The following PALM2AKAP2 variants were observed in gnomAD, a reference collection of about 807,000 sequenced individuals.
The protein encoded by PALM2AKAP2 is PALM2 and AKAP2 fusion.
PALM2AKAP2 carries 37 observed loss-of-function variants against 71.5 expected under a neutral mutation model. That is an observed-to-expected ratio of 0.52 (90% CI 0.40 to 0.68). The LOEUF is 0.68. Ranked by LOEUF, PALM2AKAP2 falls within the 30% of genes least tolerant of loss-of-function variation. The pLI is 0.00. For missense variants in PALM2AKAP2, 1,224 were observed against 1,191.8 expected (o/e 1.03, Z -0.40); for synonymous variants, 468 against 478.8 (o/e 0.98, Z 0.29).
At chr9:110,158,572 A>C (rs1228181326) in intron 3 of PALM2AKAP2, among the ~76,000 whole-genome samples, 3 of 152,192 alleles carry the variant, frequency 2.0e-5, no homozygotes, top group Non-Finnish European at 4.4e-5. Flanking sequence ...GCCACCTAAC[A>C]AATGCCAACC....
intron 1 of PALM2AKAP2, among the ~76,000 whole-genome samples, chr9:109,749,859 T>C (rs755145621): frequency 1.1e-4 from 16 of 152,166 alleles, no homozygotes; most frequent in Non-Finnish European, 2.2e-4. Context: ...TTTTCATCAC[T>C]GGATGTTTAG....
chr9:109,969,702 A>C (rs1832028138), intron 6 of PALM2AKAP2, among the ~76,000 whole-genome samples: 1 of 152,202 alleles, frequency 6.6e-6, no homozygotes, highest in Admixed American at 6.5e-5. Flanking sequence ...GCTTGGAGAC[A>C]GGAGCCTTGG....
chr9:109,924,218 T>C (rs1230483052), intron 4 of PALM2AKAP2, among the ~76,000 whole-genome samples: 1 of 152,236 alleles, frequency 6.6e-6, no homozygotes, highest in East Asian at 1.9e-4. Context: ...TAATTATAGT[T>C]TGCTTTTTGA....
intron 1 of PALM2AKAP2, among the ~76,000 whole-genome samples, chr9:109,683,244 T>C (rs1827762942): frequency 6.6e-6 from 1 of 152,240 alleles, no homozygotes; most frequent in East Asian, 1.9e-4. Flanking sequence ...CTTTTCTTTA[T>C]AAATTACCCA....
intron 7 of PALM2AKAP2, among the ~76,000 whole-genome samples, chr9:110,042,550 G>A (rs1833527897): frequency 2.0e-5 from 3 of 152,222 alleles, no homozygotes; most frequent in African/African-American, 7.2e-5. Flanking sequence ...CATCCATATG[G>A]ATGGTGTAAA....
At chr9:110,151,204 T>A (rs1035076864) in intron 2 of PALM2AKAP2, among the ~76,000 whole-genome samples, 4 of 152,328 alleles carry the variant, frequency 2.6e-5, no homozygotes, top group Admixed American at 2.6e-4. Flanking sequence ...TTAAAATTTT[T>A]TTCCCCTTCT....
chr9:109,941,304 G>C (rs1037043949), intron 6 of PALM2AKAP2, among the ~76,000 whole-genome samples: 3 of 152,072 alleles, frequency 2.0e-5, no homozygotes, highest in African/African-American at 7.2e-5. Context: ...GAAGTGTTAG[G>C]TAAAATAAAA....
intron 6 of PALM2AKAP2, among the ~76,000 whole-genome samples, chr9:109,968,866 C>T (rs982580958): frequency 2.0e-5 from 3 of 152,162 alleles, no homozygotes; most frequent in African/African-American, 7.2e-5. Flanking sequence ...AGGATTTCTT[C>T]CAGTGACAGA....
chr9:109,780,051 C>A (rs1829411120), upstream of PALM2AKAP2, among the ~76,000 whole-genome samples: 1 of 151,350 alleles, frequency 6.6e-6, no homozygotes, highest in Non-Finnish European at 1.5e-5. Context: ...CCTCCGTCTG[C>A]GCCTTGGAGA....
intron 6 of PALM2AKAP2, among the ~76,000 whole-genome samples, chr9:110,011,309 G>A (rs2132322075): frequency 6.6e-6 from 1 of 151,374 alleles, no homozygotes; most frequent in South Asian, 2.1e-4. Context: ...TACAACCAGA[G>A]GAAACTGTGT....
At chr9:109,821,206 T>G (rs1395258397) in intron 1 of PALM2AKAP2, among the ~76,000 whole-genome samples, 1 of 152,178 alleles carries the variant, frequency 6.6e-6, no homozygotes, top group African/African-American at 2.4e-5. Context: ...TGTCTCAGTC[T>G]GTAGAGTAGG....
At chr9:109,867,277 T>C (rs927877276) in intron 1 of PALM2AKAP2, 2 of 499,052 alleles carry the variant, frequency 4.0e-6, no homozygotes, top group Non-Finnish European at 3.7e-6. Context: ...GAGGAGAATT[T>C]CTCCCACTCT....
chr9:109,923,477 A>G (rs1332392407), intron 3 of PALM2AKAP2, among the ~76,000 whole-genome samples: 1 of 152,220 alleles, frequency 6.6e-6, no homozygotes, highest in East Asian at 1.9e-4. Context: ...GCAGGGAAAC[A>G]TCGAAACATA....
At chr9:110,134,934 A>G (rs1171801460) in intron 1 of PALM2AKAP2, among the ~76,000 whole-genome samples, 1 of 151,824 alleles carries the variant, frequency 6.6e-6, no homozygotes, top group Non-Finnish European at 1.5e-5. Context: ...GTCCTTTGAT[A>G]TGAAAAAGAA....
At chr9:110,143,079 A>ACGT (rs1836073794) in intron 2 of PALM2AKAP2, among the ~76,000 whole-genome samples, 1 of 143,952 alleles carries the variant, frequency 6.9e-6, no homozygotes, top group African/African-American at 2.6e-5. Flanking sequence ...CATGCTCCCA[A>ACGT]TAGTGTGTGC....
At chr9:109,793,718 C>T (rs1827177838) in intron 1 of PALM2AKAP2, among the ~76,000 whole-genome samples, 2 of 152,314 alleles carry the variant, frequency 1.3e-5, no homozygotes, top group East Asian at 3.9e-4. Flanking sequence ...CCTGCAGCCT[C>T]TTTTCATAAG....
At chr9:109,771,886 A>T (rs982083636) in intron 1 of PALM2AKAP2, 11 of 152,270 alleles carry the variant, frequency 7.2e-5, no homozygotes, top group Non-Finnish European at 1.3e-4. Flanking sequence ...GTGGAATGCA[A>T]CAACCTCCCT....
At chr9:109,727,921 A>C (rs993737699) in intron 1 of PALM2AKAP2, among the ~76,000 whole-genome samples, 1 of 152,252 alleles carries the variant, frequency 6.6e-6, no homozygotes, top group Non-Finnish European at 1.5e-5. Flanking sequence ...CACATATTTC[A>C]GAGGTAACCC....
chr9:109,657,494 G>C (rs927683623), intron 1 of PALM2AKAP2, among the ~76,000 whole-genome samples: 1 of 136,710 alleles, frequency 7.3e-6, no homozygotes, highest in Non-Finnish European at 1.6e-5. Context: ...TCAATGGAGG[G>C]TCTTGGGAGC....
Sources: allele counts gnomAD v4.1 joint callset (sites outside exome capture counted in the v4.1 genomes callset), GRCh38; gene constraint gnomAD v4.1.1; transcripts MANE v1.5; gene names NCBI Gene and HGNC (gene_info 2026-07-23, HGNC 2026-07-21).